EXOC7: variants seen among roughly 807,000 people sequenced by gnomAD.
The protein encoded by EXOC7 is exocyst complex component Exo70.
Under a neutral mutation model 87.6 loss-of-function variants are expected in EXOC7, and 51 were observed. That is an observed-to-expected ratio of 0.58 (90% CI 0.46 to 0.73). The LOEUF is 0.73. EXOC7 is among the 30% of genes least tolerant of loss of function. EXOC7 has a pLI of 0.00. For synonymous variants in EXOC7, 327 were observed against 357.1 expected (o/e 0.92, Z 0.95); for missense variants, 744 against 888.4 (o/e 0.84, Z 2.07).
Position 76,103,681 on chromosome 17 carries a change from T to C in EXOC7, c.12A>G (p.Pro4=). ...CCCGCCGTCGAGCGGATGCCTCCTG[T>C]GGGGGAATCATCGCTCTGAACCCCG... MIP[P]QEASARRREI... is the part of the protein sequence containing the mutation. The change falls in exon 1 of 19, where the codon CCA becomes CCG. Residue 4 remains proline, a synonymous_variant. Transcript: ENST00000589210. 1 of 1,612,358 alleles carries C rather than the reference T, an allele frequency of 6.2e-7. No individual in the cohort carries two copies. Among genetic ancestry groups the C allele is most frequent in the East Asian group, 2.2e-5 (1 of 44,766 alleles).
Position 76,101,036 on chromosome 17 carries a change from T to C in EXOC7, c.417+235A>G, listed in dbSNP as rs2068033821. On this transcript the variant is annotated intron_variant, in intron 4 of 18. Transcript: ENST00000589210. ...TCAAATGTTAAGTTTATATTTTATA[T>C]GTAATTTATAATTTAATTTTTATAA... The C allele has an allele frequency of 6.6e-6, 4 of 610,314 alleles. 1 individual carries two copies. In the South Asian group the frequency reaches 2.4e-4, roughly 37 times the overall value. The allele number at this position is 610,314 out of a possible 1,614,324, so 37.8% of individuals were successfully genotyped here.
At chr17:76,100,560 GAGGCAGAGGTTGC>G (rs1357693375) in intron 4 of EXOC7, among the ~76,000 whole-genome samples, 1 of 151,582 alleles carries the variant, frequency 6.6e-6, no homozygotes, top group Non-Finnish European at 1.5e-5. Flanking sequence ...TTGAACCTCG[GAGGCAGAGGTTGC>G]AGTGAGCCGA....
In EXOC7 at chr17:76,090,892, G is replaced by T. The variant is rs2067447933; in HGVS notation, c.901+251C>A. The T allele has an allele frequency of 5.2e-6, 3 of 572,824 alleles. No homozygotes were observed. The South Asian group carries it at 6.2e-5, about 12-fold the overall frequency. The allele number at this position is 572,824 out of a possible 1,614,324, so 35.5% of individuals were successfully genotyped here. ...TTTCTGAGTTCACACAGGAGACAAGGACAGAGACAGGGAAGGGAGGAGGGA... is the reference window on the plus strand; with the variant it reads ...TTTCTGAGTTCACACAGGAGACAAGTACAGAGACAGGGAAGGGAGGAGGGA... On this transcript the variant is annotated intron_variant, in intron 7 of 18. Coordinates refer to ENST00000589210, the MANE Select transcript of EXOC7 (RefSeq NM_001013839.4).
chr17:76,103,352 G>A lies in EXOC7; in HGVS notation c.126+9C>T. 6.3e-7 allele frequency: 1 copy of A among 1,592,278 alleles called. No individual in the cohort carries two copies. The highest frequency in any genetic ancestry group is 8.6e-7 in the Non-Finnish European group (1 of 1,168,776). On this transcript the variant is annotated intron_variant, in intron 2 of 18. Transcript: ENST00000589210. ...GCCTGCCCTCTCCCCCAGCTGCGGG[G>A]AGACTCACCATGTTCTTAGTGAGCT...
chr17:76,098,036 G>A lies in EXOC7; in HGVS notation c.418-18C>T. The A allele has an allele frequency of 6.2e-7, 1 of 1,608,718 alleles. No homozygotes were observed. The highest frequency in any genetic ancestry group is 1.3e-5 in the African/African-American group (1 of 74,964). On this transcript the variant is annotated intron_variant, in intron 4 of 18. Coordinates refer to ENST00000589210, the MANE Select transcript of EXOC7 (RefSeq NM_001013839.4). ...AGCAGTTTCTGCACAGACAACAGAAGGAAGCAGGTGCCTGCTGCTTCAGTG... is the reference window on the plus strand; with the variant it reads ...AGCAGTTTCTGCACAGACAACAGAAAGAAGCAGGTGCCTGCTGCTTCAGTG...
At chr17:76,091,921 A>T (rs904882410) in intron 6 of EXOC7, among the ~76,000 whole-genome samples, 9 of 152,192 alleles carry the variant, frequency 5.9e-5, no homozygotes, top group Non-Finnish European at 2.9e-5. Flanking sequence ...GCACGGAAGG[A>T]GAGGGCACAT....
intron 4 of EXOC7, among the ~76,000 whole-genome samples, chr17:76,098,476 G>A (rs1029437286): frequency 6.6e-6 from 1 of 152,046 alleles, no homozygotes; most frequent in Non-Finnish European, 1.5e-5. Flanking sequence ...ACGCTGGGAA[G>A]CGGCCTTGGT....
rs545103310 is a variant in EXOC7, at chr17:76,081,960, G to A, written c.*1688C>T. ...GTGCTGCTGGCTGGGCTGCTGGCCC[G>A]GGGCAACCTTGGGGCCAAGAGCGGC... On this transcript the variant is annotated 3_prime_UTR_variant, in exon 19 of 19. Transcript: ENST00000589210. The A allele has an allele frequency of 9.9e-6, 16 of 1,612,834 alleles. No homozygotes were observed. Among genetic ancestry groups the A allele is most frequent in the African/African-American group, 9.3e-5 (7 of 75,030 alleles).
intron 6 of EXOC7, 81 bp downstream of exon 6, chr17:76,094,333 G>A (rs1379794794): frequency 1.2e-5 from 18 of 1,465,108 alleles, no homozygotes; most frequent in Non-Finnish European, 1.7e-5. Context: ...GCCTGACGCT[G>A]CGAACGCTAG....
intron 12 of EXOC7, chr17:76,087,134 G>A: frequency 2.0e-6 from 1 of 488,912 alleles, no homozygotes. Flanking sequence ...CAGGCTCCTT[G>A]CCCCCAAAAT....
At chr17:76,101,623 C>A in intron 3 of EXOC7, 56 bp downstream of exon 3, 1 of 1,546,426 alleles carries the variant, frequency 6.5e-7, no homozygotes, top group South Asian at 1.2e-5. Context: ...ACAGACCAAC[C>A]CTCCTGTTGG....
chr17:76,103,513 C>A, intron 1 of EXOC7, 87 bp from the exon 2 acceptor site: 1 of 1,556,482 alleles, frequency 6.4e-7, no homozygotes, highest in East Asian at 2.3e-5. Flanking sequence ...AGCCCCCAAC[C>A]CCATCTCCTC....
At chr17:76,090,626 C>A in intron 7 of EXOC7, 1 of 718,770 alleles carries the variant, frequency 1.4e-6, no homozygotes, top group Non-Finnish European at 2.2e-6. Flanking sequence ...TCCTTAGCTG[C>A]TCATTTCCCC....
At chr17:76,103,547 C>T in intron 1 of EXOC7, 86 bp downstream of exon 1, 2 of 1,584,972 alleles carry the variant, frequency 1.3e-6, no homozygotes, top group Non-Finnish European at 1.7e-6. Flanking sequence ...CCTCCCACCC[C>T]TGCCTCCTCC....
At chr17:76,092,708 C>T (rs1401560723) in intron 6 of EXOC7, 1 of 152,210 alleles carries the variant, frequency 6.6e-6, no homozygotes, top group Non-Finnish European at 1.5e-5. Context: ...CCCCACAACC[C>T]ACCAGGAGCA....
At chr17:76,085,854 A>AC in intron 13 of EXOC7, 57 bp from the exon 14 acceptor site, 1 of 1,584,366 alleles carries the variant, frequency 6.3e-7, no homozygotes, top group Admixed American at 1.8e-5. Context: ...AAACGACCCC[A>AC]CCCCAGGACC....
At chr17:76,084,324 C>T (rs1269874714) in intron 16 of EXOC7, 35 bp from the exon 17 acceptor site, 4 of 1,613,482 alleles carry the variant, frequency 2.5e-6, no homozygotes, top group African/African-American at 1.3e-5. Context: ...AGAAAGCTCA[C>T]TTCAGAGCAG....
In EXOC7 at chr17:76,088,137, C is replaced by T. The variant is rs766098928; in HGVS notation, c.1300-15G>A. The T allele has an allele frequency of 4.1e-5, 66 of 1,613,038 alleles. No individual in the cohort carries two copies. The highest frequency in any genetic ancestry group is 5.4e-5 in the Non-Finnish European group (64 of 1,179,658). On this transcript the variant is annotated splice_polypyrimidine_tract_variant and intron_variant, in intron 10 of 18. Coordinates refer to ENST00000589210, the MANE Select transcript of EXOC7 (RefSeq NM_001013839.4). ...TCCGGGTCATTCTGTGGAAAAACAGCCTCTGGTTCCCTGAAGCAGCCCCCA... is the reference window on the plus strand; with the variant it reads ...TCCGGGTCATTCTGTGGAAAAACAGTCTCTGGTTCCCTGAAGCAGCCCCCA...
intron 12 of EXOC7, chr17:76,086,788 C>G: frequency 1.4e-6 from 2 of 1,429,048 alleles, no homozygotes; most frequent in Non-Finnish European, 1.9e-6. Flanking sequence ...GAGAGTCAGT[C>G]CCCAGGGAAC....
Sources: gnomAD v4.1 joint callset for allele counts (sites outside exome capture counted in the v4.1 genomes callset) on GRCh38, gnomAD v4.1.1 for gene constraint, MANE v1.5 for transcripts, NCBI Gene and HGNC (gene_info 2026-07-23, HGNC 2026-07-21) for gene names.